Variants in PPP3CA observed in about 807,000 individuals in gnomAD.
PPP3CA encodes CAM-PRP catalytic subunit.
In PPP3CA, 14 loss-of-function variants were observed where a neutral mutation model predicts 66.5. That is an observed-to-expected ratio of 0.21 (90% CI 0.14 to 0.33). The LOEUF is 0.33. Ranked by LOEUF, PPP3CA falls within the 10% of genes least tolerant of loss-of-function variation. The pLI is 1.00. For missense variants in PPP3CA, 317 were observed against 639.5 expected (o/e 0.50, Z 5.44); for synonymous variants, 232 against 226.2 (o/e 1.03, Z -0.23).
chr4:101,311,785 A>C (rs1163532634), intron 1 of PPP3CA, among the ~76,000 whole-genome samples: 2 of 152,152 alleles, frequency 1.3e-5, no homozygotes, highest in African/African-American at 4.8e-5. Flanking sequence ...AATGATACCA[A>C]AAAAATGATA....
intron 11 of PPP3CA, among the ~76,000 whole-genome samples, chr4:101,034,091 G>A (rs72681029): frequency 0.093 from 14,152 of 152,074 alleles, 1,178 homozygotes; most frequent in East Asian, 0.32. Context: ...CTCCTCTCCT[G>A]ATGGGTGAAA....
chr4:101,264,480 A>T (rs921535458), intron 1 of PPP3CA, among the ~76,000 whole-genome samples: 1 of 152,170 alleles, frequency 6.6e-6, no homozygotes, highest in Admixed American at 6.5e-5. Context: ...AGAAAAAATT[A>T]AAATAAAAGA....
At chr4:101,244,811 C>T (rs779008445) in intron 1 of PPP3CA, among the ~76,000 whole-genome samples, 5 of 152,162 alleles carry the variant, frequency 3.3e-5, no homozygotes, top group Non-Finnish European at 7.3e-5. Flanking sequence ...TTCAAACTGG[C>T]ACAGTCAGAG....
chr4:101,043,222 T>C (rs1246152148), intron 10 of PPP3CA, among the ~76,000 whole-genome samples: 2 of 152,040 alleles, frequency 1.3e-5, no homozygotes, highest in Non-Finnish European at 2.9e-5. Context: ...AAAAAATATA[T>C]ATGAAGAATA....
chr4:101,033,150 TCA>T (rs1727063739), intron 11 of PPP3CA, among the ~76,000 whole-genome samples: 2 of 151,908 alleles, frequency 1.3e-5, no homozygotes, highest in African/African-American at 4.8e-5. Context: ...AAATAACCAC[TCA>T]CTCTTTCCAC....
intron 7 of PPP3CA, among the ~76,000 whole-genome samples, chr4:101,081,164 AGATTT>A (rs1448697025): frequency 1.3e-5 from 2 of 152,144 alleles, no homozygotes; most frequent in African/African-American, 4.8e-5. Context: ...ATTAATAATT[AGATTT>A]AATTCATAGA....
chr4:101,254,673 C>T (rs1258571109), intron 1 of PPP3CA, among the ~76,000 whole-genome samples: 2 of 151,900 alleles, frequency 1.3e-5, no homozygotes, highest in African/African-American at 2.4e-5. Context: ...TAAATGGACT[C>T]TGATCAACTT....
At chr4:101,124,663 CAGAAAGAAAGAAAGAAAGAAAGAAAGAA>C (rs1227730298) in intron 2 of PPP3CA, among the ~76,000 whole-genome samples, 14 of 55,236 alleles carry the variant, frequency 2.5e-4, no homozygotes, top group Admixed American at 4.8e-4. Context: ...GAGAGAGAGA[CAGAAAGAAAGAAAGAAAGAAAGAAAGAA>C]AGAAAGAAAG....
intron 2 of PPP3CA, among the ~76,000 whole-genome samples, chr4:101,128,770 C>T (rs1317854810): frequency 6.6e-6 from 1 of 152,134 alleles, no homozygotes. Context: ...GAGATTCCCT[C>T]GGGTGGCTAC....
chr4:101,184,904 C>T (rs778420983), intron 2 of PPP3CA, among the ~76,000 whole-genome samples: 4 of 152,072 alleles, frequency 2.6e-5, no homozygotes, highest in South Asian at 2.1e-4. Context: ...TGCACACTGC[C>T]GCATCAAGCA....
At chr4:101,277,911 A>T (rs189556814) in intron 1 of PPP3CA, among the ~76,000 whole-genome samples, 2 of 152,282 alleles carry the variant, frequency 1.3e-5, no homozygotes, top group Admixed American at 6.5e-5. Context: ...CATAACACTG[A>T]GATAGTGACT....
intron 2 of PPP3CA, among the ~76,000 whole-genome samples, chr4:101,123,439 G>A (rs1327723788): frequency 3.3e-5 from 5 of 152,150 alleles, no homozygotes; most frequent in African/African-American, 1.2e-4. Flanking sequence ...AGGGAATGTT[G>A]CTCACAGTAG....
chr4:101,060,048 G>C (rs1347488694), intron 10 of PPP3CA, among the ~76,000 whole-genome samples: 2 of 152,086 alleles, frequency 1.3e-5, no homozygotes, highest in African/African-American at 4.8e-5. Context: ...GAGGTTGTTT[G>C]AATCCATGGA....
chr4:101,291,032 A>C (rs1728007145), intron 1 of PPP3CA, among the ~76,000 whole-genome samples: 1 of 152,224 alleles, frequency 6.6e-6, no homozygotes, highest in African/African-American at 2.4e-5. Flanking sequence ...GTAGGAAAGC[A>C]CAATGTAGGA....
chr4:101,140,659 T>A (rs181691692), intron 2 of PPP3CA, among the ~76,000 whole-genome samples: 198 of 152,334 alleles, frequency 1.3e-3, no homozygotes, highest in Admixed American at 4.4e-3. Context: ...TTGAAGTCAT[T>A]TTTGGCAAAA....
chr4:101,132,169 C>T (rs1382239393), intron 2 of PPP3CA, among the ~76,000 whole-genome samples: 1 of 152,142 alleles, frequency 6.6e-6, no homozygotes, highest in African/African-American at 2.4e-5. Context: ...CTAAAATCTA[C>T]ACCCTAACAT....
chr4:101,124,753 A>G (rs1233667456), intron 2 of PPP3CA, among the ~76,000 whole-genome samples: 7 of 124,246 alleles, frequency 5.6e-5, no homozygotes, highest in African/African-American at 2.4e-4. Flanking sequence ...GAAAGAAAGA[A>G]AGAAAGAAAG....
intron 1 of PPP3CA, among the ~76,000 whole-genome samples, chr4:101,331,948 C>T (rs1368437437): frequency 1.3e-5 from 2 of 152,018 alleles, no homozygotes; most frequent in Non-Finnish European, 2.9e-5. Flanking sequence ...ATCAAGTGTT[C>T]GTTTTAGAAA....
chr4:101,258,749 C>T (rs971583865), intron 1 of PPP3CA, among the ~76,000 whole-genome samples: 22 of 152,056 alleles, frequency 1.4e-4, no homozygotes, highest in African/African-American at 5.3e-4. Flanking sequence ...AATGGTAAGC[C>T]TGGCTCTTCT....
Sources: gnomAD v4.1 joint callset for allele counts (sites outside exome capture counted in the v4.1 genomes callset) on GRCh38, gnomAD v4.1.1 for gene constraint, MANE v1.5 for transcripts, NCBI Gene and HGNC (gene_info 2026-07-23, HGNC 2026-07-21) for gene names.